RSPH9: variants seen among roughly 807,000 people sequenced by gnomAD.
RSPH9 encodes radial spoke head protein 9 homolog.
A neutral mutation model predicts 27.0 loss-of-function variants in RSPH9; 27 were observed. The ratio of observed to expected loss-of-function variants is 1.00; its 90% CI spans 0.74 to 1.38. The LOEUF is 1.38. Ranked by LOEUF, RSPH9 falls within the 40% of genes most tolerant of loss-of-function variation. The probability of loss-of-function intolerance (pLI) is 0.00; values close to 1 mark genes in which losing one functional copy is unlikely to be tolerated. For synonymous variants in RSPH9, 145 were observed against 147.7 expected, an observed-to-expected ratio of 0.98 and a Z score of 0.13; for missense variants, 347 against 357.4, an observed-to-expected ratio of 0.97 and a Z score of 0.24.
rs1481443437 is a variant in RSPH9 at position 43,671,925 on chromosome 6, G to A, written c.*976G>A. 8 of 1,580,624 alleles carry A rather than the reference G, an allele frequency of 5.1e-6. No individual in the cohort carries two copies. Among genetic ancestry groups the A allele is most frequent in the Non-Finnish European group, 5.2e-6 (6 of 1,162,166 alleles). ...CAGGTACCTGTGGAGGGAGAACAAA[G>A]AGGTGCCTGTGAGGGCTGGGGGCCC... On this transcript the variant is annotated 3_prime_UTR_variant, in exon 5 of 5. Coordinates refer to ENST00000372163, the MANE Select transcript of RSPH9 (RefSeq NM_152732.5).
intron 1 of RSPH9, among the ~76,000 whole-genome samples, chr6:43,647,448 G>A (rs1771007474): frequency 6.6e-6 from 1 of 152,148 alleles, no homozygotes; most frequent in Non-Finnish European, 1.5e-5. Context: ...GAAAGGAAGA[G>A]GTATCCGAGG....
intron 1 of RSPH9, 69 bp downstream of exon 1, chr6:43,645,394 G>T (rs1405329643): frequency 1.9e-6 from 2 of 1,072,390 alleles, no homozygotes; most frequent in African/African-American, 1.6e-5. Flanking sequence ...TGGGCGGGTC[G>T]CAGCAATTGA....
rs557915277 is a variant in RSPH9 at position 43,653,772 on chromosome 6, A to C, written c.394-1790A>C. 5.3e-5 allele frequency among the ~76,000 whole-genome samples: 8 copies of C among 152,050 alleles called. No individual in the cohort carries two copies. The East Asian group carries it at 1.6e-3, about 30-fold the overall frequency. Reference sequence around the variant, plus strand: ...CAATGGCGTGGTCTCGGCTCACTGCAACCTCCGCCTCCCGGATTCAAGTGA... The same window carrying C: ...CAATGGCGTGGTCTCGGCTCACTGCCACCTCCGCCTCCCGGATTCAAGTGA... On this transcript the variant is annotated intron_variant, in intron 2 of 4. Transcript: ENST00000372163.
rs1320082580 is a variant in RSPH9, at chr6:43,660,341, C to T, written c.670+3618C>T. On this transcript the variant is annotated intron_variant, in intron 4 of 4. Transcript: ENST00000372163. The stretch of plus-strand genomic sequence containing the variant: ...CAGGTGTGAGGCACTGTGATTGGCC[C>T]TCCACTGACGTCTTGAACCTGTCAA... Among the ~76,000 whole-genome samples, 6 of 152,188 alleles carry T rather than the reference C, an allele frequency of 3.9e-5. No homozygotes were observed. The East Asian group carries it at 9.6e-4, about 24-fold the overall frequency.
chr6:43,653,943 C>T (rs574175190), intron 2 of RSPH9, among the ~76,000 whole-genome samples: 1 of 152,182 alleles, frequency 6.6e-6, no homozygotes, highest in African/African-American at 2.4e-5. Context: ...CTGCCCACCT[C>T]AGCCTCCCAA....
At chr6:43,646,776 C>T (rs73428646) in intron 1 of RSPH9, among the ~76,000 whole-genome samples, 9,787 of 150,506 alleles carry the variant, frequency 0.065, 1,080 homozygotes, top group African/African-American at 0.22. Flanking sequence ...TCCTGGCTAA[C>T]GCGGTGAAAC....
At chr6:43,656,856 G>C in intron 4 of RSPH9, 133 bp downstream of exon 4, 1 of 959,122 alleles carries the variant, frequency 1.0e-6, no homozygotes, top group South Asian at 1.3e-5. Context: ...GGGTTTTTGA[G>C]GGTGGAGCTT....
chr6:43,655,199 AAG>A (rs1343342448), intron 2 of RSPH9, among the ~76,000 whole-genome samples: 1 of 152,196 alleles, frequency 6.6e-6, no homozygotes, highest in African/African-American at 2.4e-5. Context: ...AAGGCAAAAT[AAG>A]CAACAGTTAA....
rs2127938021 is a variant in RSPH9 at position 43,671,806 on chromosome 6, C to T, written c.*857C>T. The stretch of plus-strand genomic sequence containing the variant: ...GGTGTTCTTGAGTAGCAGACATTGT[C>T]CCTCAGAAGGGGTGACCCCACGGGC... On this transcript the variant is annotated 3_prime_UTR_variant, in exon 5 of 5. Transcript: ENST00000372163. The T allele has an allele frequency of 6.2e-7, 1 of 1,614,226 alleles. No individual in the cohort carries two copies. The highest frequency in any genetic ancestry group is 1.3e-5 in the African/African-American group (1 of 75,062).
chr6:43,665,895 G>C (rs1016859126), intron 4 of RSPH9, among the ~76,000 whole-genome samples: 2 of 151,798 alleles, frequency 1.3e-5, no homozygotes, highest in African/African-American at 4.8e-5. Flanking sequence ...GGATGATCTT[G>C]GCTCACTGCA....
chr6:43,663,522 G>A (rs7756754), intron 4 of RSPH9, among the ~76,000 whole-genome samples: 37,953 of 152,050 alleles, frequency 0.25, 8,388 homozygotes, highest in African/African-American at 0.59. Context: ...CCCAGCCTCT[G>A]TAGAGTTATT....
At chr6:43,645,532 T>A (rs1364037364) in intron 1 of RSPH9, among the ~76,000 whole-genome samples, 2 of 151,772 alleles carry the variant, frequency 1.3e-5, no homozygotes, top group African/African-American at 4.8e-5. Flanking sequence ...GGGATGGGGA[T>A]GTCTCGGAAT....
rs1773686194 is a variant in RSPH9 at position 43,671,356 on chromosome 6, C to T, written c.*407C>T. The T allele has an allele frequency of 5.0e-6, 2 of 398,372 alleles. No homozygotes were observed. Among genetic ancestry groups the T allele is most frequent in the South Asian group, 5.5e-5 (2 of 36,040 alleles). The allele number at this position is 398,372 out of a possible 1,614,324, so 24.7% of individuals were successfully genotyped here. The stretch of plus-strand genomic sequence containing the variant: ...CCATGAATTCAATTGACTCATTGGC[C>T]CCATCACAAGAGATCAGTGACTCAA... On this transcript the variant is annotated 3_prime_UTR_variant, in exon 5 of 5. Transcript: ENST00000372163.
At position 43,671,296 on chromosome 6, in the gene RSPH9, C is replaced by T. The variant is rs1773683370; in HGVS notation, c.*347C>T. ...TGCAGCTCTCCCACAGTAAGGAGCT[C>T]ACAGCTGTCATGAAGAGGATGGGAC... is the stretch of plus-strand genomic sequence containing the variant. On this transcript the variant is annotated 3_prime_UTR_variant, in exon 5 of 5. Transcript: ENST00000372163. 2.2e-6 allele frequency: 1 copy of T among 460,006 alleles called. No homozygotes were observed. 28.5% of individuals were successfully genotyped at this position (460,006 alleles called of 1,614,324 possible).
At chr6:43,664,912 C>T (rs554186180) in intron 4 of RSPH9, among the ~76,000 whole-genome samples, 1 of 152,192 alleles carries the variant, frequency 6.6e-6, no homozygotes, top group African/African-American at 2.4e-5. Flanking sequence ...GGTGATGGAA[C>T]CTCAGAGCCA....
At chr6:43,653,466 G>C (rs200473220) in intron 2 of RSPH9, among the ~76,000 whole-genome samples, 1 of 138,862 alleles carries the variant, frequency 7.2e-6, no homozygotes, top group Non-Finnish European at 1.5e-5. Flanking sequence ...AAAAAAAAAA[G>C]ACCATATAGA....
At chr6:43,649,653 G>A (rs1446523262) in intron 1 of RSPH9, among the ~76,000 whole-genome samples, 1 of 152,044 alleles carries the variant, frequency 6.6e-6, no homozygotes, top group Admixed American at 6.6e-5. Flanking sequence ...GAGTGCTCCC[G>A]AAGGCCTCAG....
At chr6:43,669,678 G>A (rs72859036) in intron 4 of RSPH9, among the ~76,000 whole-genome samples, 18,381 of 152,288 alleles carry the variant, frequency 0.12, 1,523 homozygotes, top group Non-Finnish European at 0.19. Flanking sequence ...TGGCTGGGCC[G>A]GGAGAGGCCT....
chr6:43,653,303 T>G (rs538029836), intron 2 of RSPH9, among the ~76,000 whole-genome samples: 119 of 151,912 alleles, frequency 7.8e-4, no homozygotes, highest in African/African-American at 2.8e-3. Context: ...TACAAAAAAT[T>G]AGCCAGGCAC....
Sources: allele counts gnomAD v4.1 joint callset (sites outside exome capture counted in the v4.1 genomes callset), GRCh38; gene constraint gnomAD v4.1.1; transcripts MANE v1.5; gene names NCBI Gene and HGNC (gene_info 2026-07-23, HGNC 2026-07-21).